WWOX: variants seen among roughly 807,000 people sequenced by gnomAD.
WWOX encodes the protein WW domain containing oxidoreductase.
WWOX carries 69 observed loss-of-function variants against 46.2 expected under a neutral mutation model. The ratio of observed to expected loss-of-function variants is 1.49; its 90% CI spans 1.23 to 1.82. The LOEUF is 1.82. Ranked by LOEUF, WWOX falls within the 40% of genes most tolerant of loss-of-function variation. WWOX has a pLI of 0.00. For synonymous variants in WWOX, 359 were observed against 202.6 expected (o/e 1.77, Z -6.56); for missense variants, 919 against 542.6 (o/e 1.69, Z -6.89).
chr16:78,732,623 A>G (rs538016467), intron 8 of WWOX, among the ~76,000 whole-genome samples: 21 of 152,226 alleles, frequency 1.4e-4, no homozygotes, highest in Admixed American at 1.3e-3. Flanking sequence ...CAATAATCTT[A>G]GCTAAGATTT....
intron 8 of WWOX, among the ~76,000 whole-genome samples, chr16:78,992,483 A>C (rs748288732): frequency 2.6e-5 from 4 of 152,062 alleles, no homozygotes; most frequent in Non-Finnish European, 4.4e-5. Flanking sequence ...ACAAAACAAA[A>C]CAAAAACAAT....
chr16:79,187,655 C>A (rs2051044747), intron 8 of WWOX, among the ~76,000 whole-genome samples: 1 of 152,218 alleles, frequency 6.6e-6, no homozygotes, highest in African/African-American at 2.4e-5. Flanking sequence ...GATCGGCCTG[C>A]CTCAGCCTCC....
intron 8 of WWOX, among the ~76,000 whole-genome samples, chr16:78,451,793 T>C (rs768662866): frequency 6.6e-6 from 1 of 152,216 alleles, no homozygotes; most frequent in Non-Finnish European, 1.5e-5. Context: ...AAAGATATTA[T>C]TGATTATCTG....
At chr16:78,596,577 C>G (rs550668983) in intron 8 of WWOX, among the ~76,000 whole-genome samples, 1 of 152,078 alleles carries the variant, frequency 6.6e-6, no homozygotes, top group Non-Finnish European at 1.5e-5. Flanking sequence ...GACAGGTGTG[C>G]AAGGACCAGC....
At chr16:78,124,974 T>C (rs572772029) in intron 4 of WWOX, among the ~76,000 whole-genome samples, 4 of 152,280 alleles carry the variant, frequency 2.6e-5, no homozygotes, top group African/African-American at 9.6e-5. Flanking sequence ...GCTAAGCCTT[T>C]TGTATGAAGT....
chr16:78,178,101 A>C (rs986525601), intron 5 of WWOX, among the ~76,000 whole-genome samples: 1 of 152,170 alleles, frequency 6.6e-6, no homozygotes, highest in African/African-American at 2.4e-5. Flanking sequence ...TGTTTGAATC[A>C]GGAAGTGCTG....
intron 8 of WWOX, among the ~76,000 whole-genome samples, chr16:78,479,179 A>G (rs1263103617): frequency 6.6e-6 from 1 of 152,246 alleles, no homozygotes; most frequent in Non-Finnish European, 1.5e-5. Flanking sequence ...TTCTGTTTGG[A>G]TTAACATATT....
intron 8 of WWOX, among the ~76,000 whole-genome samples, chr16:79,141,380 C>G (rs965698355): frequency 1.3e-5 from 2 of 152,196 alleles, no homozygotes; most frequent in African/African-American, 2.4e-5. Context: ...CATGTGTCAT[C>G]AGGCCCTCCT....
chr16:78,108,570 T>C (rs2032300225), intron 2 of WWOX, 83 bp downstream of exon 2: 3 of 1,518,790 alleles, frequency 2.0e-6, no homozygotes, highest in Admixed American at 3.4e-5. Flanking sequence ...TGACAGGTTA[T>C]TGTGTGTTTA....
At chr16:78,383,481 C>G (rs960914288) in intron 5 of WWOX, among the ~76,000 whole-genome samples, 3 of 152,158 alleles carry the variant, frequency 2.0e-5, no homozygotes, top group African/African-American at 7.2e-5. Flanking sequence ...GGGAGGAAAT[C>G]TCACCTTGGC....
rs371931386 is a variant in WWOX at position 78,275,455 on chromosome 16, C to G, written c.516+111166C>G. 2.8e-3 allele frequency among the ~76,000 whole-genome samples: 428 copies of G among 152,344 alleles called. 2 individuals are homozygous for G. Among genetic ancestry groups the G allele is most frequent in the African/African-American group, 9.6e-3 (399 of 41,588 alleles). On this transcript the variant is annotated intron_variant, in intron 5 of 8. Coordinates refer to ENST00000566780, the MANE Select transcript of WWOX (RefSeq NM_016373.4). Reference sequence around the variant, plus strand: ...ATTGACATTACCTGGCTGGTCCGTACGCATCCCCTGCAGTAACTGGCTTTC... The same window carrying G: ...ATTGACATTACCTGGCTGGTCCGTAGGCATCCCCTGCAGTAACTGGCTTTC...
chr16:78,969,267 C>CT (rs1320260974), intron 8 of WWOX, among the ~76,000 whole-genome samples: 1 of 131,238 alleles, frequency 7.6e-6, no homozygotes, highest in East Asian at 2.5e-4. Context: ...CTCTCTCTCT[C>CT]TCTTTTTTTT....
intron 8 of WWOX, among the ~76,000 whole-genome samples, chr16:78,550,576 A>G (rs1043652047): frequency 2.0e-5 from 3 of 152,296 alleles, no homozygotes; most frequent in East Asian, 1.9e-4. Flanking sequence ...GATATTTTCT[A>G]CTATGGATGA....
chr16:78,574,847 G>A (rs1443861776), intron 8 of WWOX, among the ~76,000 whole-genome samples: 5 of 149,406 alleles, frequency 3.3e-5, no homozygotes, highest in South Asian at 2.2e-4. Context: ...CAAACTTCTC[G>A]TTAATAATAA....
chr16:78,351,421 A>G (rs957738928), intron 5 of WWOX, among the ~76,000 whole-genome samples: 2 of 152,192 alleles, frequency 1.3e-5, no homozygotes, highest in African/African-American at 2.4e-5. Context: ...AACTATGGCC[A>G]TGAAACCTTG....
intron 8 of WWOX, among the ~76,000 whole-genome samples, chr16:78,800,081 C>G (rs1308820719): frequency 6.6e-6 from 1 of 152,072 alleles, no homozygotes; most frequent in Non-Finnish European, 1.5e-5. Flanking sequence ...TTCGGGTTGG[C>G]TCTGAGATGA....
At chr16:79,178,137 G>T (rs907491076) in intron 8 of WWOX, among the ~76,000 whole-genome samples, 2 of 152,086 alleles carry the variant, frequency 1.3e-5, no homozygotes, top group Non-Finnish European at 2.9e-5. Context: ...CCTTTTCAAC[G>T]CTTGAATTTT....
intron 8 of WWOX, among the ~76,000 whole-genome samples, chr16:78,701,342 G>C (rs74918247): frequency 0.075 from 11,447 of 152,068 alleles, 1,459 homozygotes; most frequent in African/African-American, 0.26. Context: ...CTCCCATAGT[G>C]CTGGCGTTTC....
At chr16:78,724,213 T>C (rs1001789048) in intron 8 of WWOX, among the ~76,000 whole-genome samples, 2 of 152,176 alleles carry the variant, frequency 1.3e-5, no homozygotes. Context: ...CTTTAGTGAG[T>C]ACCTGTCACA....
Sources: gnomAD v4.1 joint callset for allele counts (sites outside exome capture counted in the v4.1 genomes callset) on GRCh38, gnomAD v4.1.1 for gene constraint, MANE v1.5 for transcripts, NCBI Gene and HGNC (gene_info 2026-07-23, HGNC 2026-07-21) for gene names.